KIAA1217: variants seen among roughly 807,000 people sequenced by gnomAD.
The protein encoded by KIAA1217 is KIAA1217, also known as sickle tail protein homolog.
KIAA1217 carries 88 observed loss-of-function variants against 163.9 expected under a neutral mutation model. The observed-to-expected ratio is 0.54, with a 90% CI of 0.45 to 0.64. The LOEUF is 0.64. KIAA1217 is among the 30% of genes least tolerant of loss of function. KIAA1217 has a pLI of 0.00. For missense variants in KIAA1217, 2,372 were observed against 2,475.0 expected, an observed-to-expected ratio of 0.96 and a Z score of 0.88; for synonymous variants, 903 against 923.1, an observed-to-expected ratio of 0.98 and a Z score of 0.39.
intron 1 of KIAA1217, among the ~76,000 whole-genome samples, chr10:23,882,033 GTC>G (rs139495893): frequency 0.19 from 28,777 of 151,808 alleles, 2,824 homozygotes; most frequent in Middle Eastern, 0.22. Context: ...AAAATAGAGT[GTC>G]TCTTTCTTGT....
chr10:23,853,716 G>T (rs540585201), intron 1 of KIAA1217, among the ~76,000 whole-genome samples: 72 of 152,162 alleles, frequency 4.7e-4, no homozygotes, highest in Non-Finnish European at 5.7e-4. Context: ...TATTCAGAGA[G>T]TCAACTTCTT....
At chr10:23,765,185 C>CT (rs1834447762) in intron 1 of KIAA1217, among the ~76,000 whole-genome samples, 2 of 97,456 alleles carry the variant, frequency 2.1e-5, no homozygotes, top group African/African-American at 8.8e-5. Context: ...CTTTTTTGTT[C>CT]TCTTTTTTTT....
At chr10:24,103,569 T>C (rs1332575406) in intron 2 of KIAA1217, among the ~76,000 whole-genome samples, 1 of 152,080 alleles carries the variant, frequency 6.6e-6, no homozygotes, top group Admixed American at 6.6e-5. Flanking sequence ...GACAACCCAA[T>C]TTAAAAGTGG....
chr10:24,343,512 T>G (rs2047359754), intron 2 of KIAA1217, among the ~76,000 whole-genome samples: 1 of 152,222 alleles, frequency 6.6e-6, no homozygotes, highest in Non-Finnish European at 1.5e-5. Context: ...GGAATTAACT[T>G]TCACACTTTA....
At chr10:23,892,201 A>G (rs1159568591) in intron 1 of KIAA1217, among the ~76,000 whole-genome samples, 2 of 151,974 alleles carry the variant, frequency 1.3e-5, no homozygotes, top group African/African-American at 4.8e-5. Flanking sequence ...AAAAGAAGGG[A>G]AAATCATTAT....
At chr10:23,934,617 A>ATG (rs1564545932) in intron 1 of KIAA1217, among the ~76,000 whole-genome samples, 1 of 66,218 alleles carries the variant, frequency 1.5e-5, no homozygotes, top group African/African-American at 1.4e-4. Flanking sequence ...GTATATATAT[A>ATG]TATATATATT....
intron 1 of KIAA1217, among the ~76,000 whole-genome samples, chr10:24,216,359 T>C (rs1052586947): frequency 1.3e-5 from 2 of 152,220 alleles, no homozygotes; most frequent in African/African-American, 4.8e-5. Context: ...CCGTTGGACA[T>C]GCATGGATGT....
At chr10:23,941,123 G>A (rs761890928) in intron 1 of KIAA1217, among the ~76,000 whole-genome samples, 3 of 152,138 alleles carry the variant, frequency 2.0e-5, no homozygotes, top group Non-Finnish European at 4.4e-5. Context: ...CAAAGCTTTC[G>A]AGGCAGAGAC....
chr10:24,135,905 G>A (rs1217391685), intron 2 of KIAA1217, among the ~76,000 whole-genome samples: 1 of 152,152 alleles, frequency 6.6e-6, no homozygotes, highest in Admixed American at 6.5e-5. Flanking sequence ...CTGTCTCTGG[G>A]CATTCTGTAT....
chr10:24,150,457 G>A (rs1005892582), intron 2 of KIAA1217, among the ~76,000 whole-genome samples: 1 of 152,168 alleles, frequency 6.6e-6, no homozygotes, highest in Non-Finnish European at 1.5e-5. Flanking sequence ...TGGAGTATGG[G>A]CCAGACCAGA....
At chr10:24,060,199 A>G (rs2060670771) in intron 2 of KIAA1217, among the ~76,000 whole-genome samples, 1 of 151,354 alleles carries the variant, frequency 6.6e-6, no homozygotes, top group Non-Finnish European at 1.5e-5. Flanking sequence ...TTCTGTTCTA[A>G]TCTTTATTTC....
At chr10:23,720,273 T>G (rs1302186885) in intron 1 of KIAA1217, among the ~76,000 whole-genome samples, 2 of 152,172 alleles carry the variant, frequency 1.3e-5, no homozygotes, top group Non-Finnish European at 1.5e-5. Context: ...GGCATTGTCA[T>G]AGTATTTTGG....
Position 24,349,097 on chromosome 10 carries a change from C to T in KIAA1217, c.355-31772C>T, listed in dbSNP as rs187447140. 2.7e-3 allele frequency among the ~76,000 whole-genome samples: 395 copies of T among 145,938 alleles called. 2 individuals carry two copies. Among genetic ancestry groups the T allele is most frequent in the Admixed American group, 0.012 (166 of 14,346 alleles). ...GAGCCATGATCATGTCATGCCTCTG[C>T]ACCCCAGCCAGGGCAACAGAATAAG... On this transcript the variant is annotated intron_variant, in intron 2 of 20. Transcript: ENST00000376454.
intron 2 of KIAA1217, among the ~76,000 whole-genome samples, chr10:24,154,263 T>A (rs903931368): frequency 6.6e-6 from 1 of 151,712 alleles, no homozygotes; most frequent in African/African-American, 2.4e-5. Flanking sequence ...GGCCAAAAAA[T>A]AATTTTTTAA....
At chr10:24,139,858 A>T (rs1365771619) in intron 2 of KIAA1217, among the ~76,000 whole-genome samples, 1 of 152,178 alleles carries the variant, frequency 6.6e-6, no homozygotes, top group Non-Finnish European at 1.5e-5. Context: ...ATGTTTTTAT[A>T]CCTATGATAA....
chr10:24,346,232 G>A (rs895452210), intron 2 of KIAA1217, among the ~76,000 whole-genome samples: 1 of 152,092 alleles, frequency 6.6e-6, no homozygotes, highest in African/African-American at 2.4e-5. Context: ...GGGAGGCCGA[G>A]GTGTGGGCGG....
At chr10:24,064,876 G>A (rs2060876983) in intron 2 of KIAA1217, among the ~76,000 whole-genome samples, 1 of 152,216 alleles carries the variant, frequency 6.6e-6, no homozygotes, top group Non-Finnish European at 1.5e-5. Flanking sequence ...TTGGGAGACT[G>A]TATGTGTCGA....
At chr10:24,378,303 T>C (rs950483970) in intron 2 of KIAA1217, among the ~76,000 whole-genome samples, 1 of 152,162 alleles carries the variant, frequency 6.6e-6, no homozygotes, top group African/African-American at 2.4e-5. Context: ...TTGATCCAGC[T>C]AAGATCAGGT....
intron 2 of KIAA1217, among the ~76,000 whole-genome samples, chr10:24,148,202 T>A (rs142982516): frequency 3.7e-4 from 57 of 152,312 alleles, no homozygotes; most frequent in African/African-American, 1.3e-3. Flanking sequence ...CTGCATTCAT[T>A]ACTATGAATA....
Sources: allele counts gnomAD v4.1 joint callset (sites outside exome capture counted in the v4.1 genomes callset), GRCh38; gene constraint gnomAD v4.1.1; transcripts MANE v1.5; gene names NCBI Gene and HGNC (gene_info 2026-07-23, HGNC 2026-07-21).